The following HEMK2 variants were observed in gnomAD, a reference collection of about 807,000 sequenced individuals.
HEMK2 encodes HemK methyltransferase 2, ETF1 glutamine and histone H4 lysine, also known as methyltransferase HEMK2.
At chr21:28,745,441 G>A in the HEMK2 span, among the ~76,000 whole-genome samples, 3 of 152,136 alleles carry the variant, frequency 2.0e-5, no homozygotes, top group African/African-American at 4.8e-5. Flanking sequence ...CCTTAGACCC[G>A]GACGAGAGGG....
the HEMK2 span, among the ~76,000 whole-genome samples, chr21:28,825,637 T>A: frequency 6.6e-6 from 1 of 152,216 alleles, no homozygotes. Context: ...AGGTGTGGTG[T>A]TGGCCTTAGG....
the HEMK2 span, among the ~76,000 whole-genome samples, chr21:28,709,890 G>A: frequency 1.3e-5 from 2 of 152,182 alleles, no homozygotes; most frequent in Non-Finnish European, 2.9e-5. Flanking sequence ...AGAAAGCATT[G>A]CTTTTGACAG....
chr21:28,859,037 A>C, the HEMK2 span, among the ~76,000 whole-genome samples: 1 of 152,344 alleles, frequency 6.6e-6, no homozygotes, highest in Non-Finnish European at 1.5e-5. Context: ...TAATTAAAAA[A>C]TAACAGAGGA....
chr21:28,741,217 C>CTGACTG, the HEMK2 span, among the ~76,000 whole-genome samples: 3 of 152,126 alleles, frequency 2.0e-5, no homozygotes, highest in Admixed American at 6.5e-5. Context: ...TCCAATGTCA[C>CTGACTG]ACTCACAAGT....
At chr21:28,795,551 C>T in the HEMK2 span, among the ~76,000 whole-genome samples, 1 of 152,190 alleles carries the variant, frequency 6.6e-6, no homozygotes, top group African/African-American at 2.4e-5. Flanking sequence ...TAATAAAGCA[C>T]TCAACATGTG....
the HEMK2 span, among the ~76,000 whole-genome samples, chr21:28,672,315 C>T: frequency 2.6e-5 from 4 of 151,968 alleles, no homozygotes; most frequent in African/African-American, 9.7e-5. Flanking sequence ...CTGCCTATCA[C>T]TGGGTGTTAA....
the HEMK2 span, among the ~76,000 whole-genome samples, chr21:28,745,331 TC>T: frequency 2.6e-5 from 4 of 152,208 alleles, no homozygotes; most frequent in Non-Finnish European, 4.4e-5. Context: ...ACATACTTAC[TC>T]CCCAGAGAGT....
At chr21:28,578,827 T>C in the HEMK2 span, among the ~76,000 whole-genome samples, 1 of 152,118 alleles carries the variant, frequency 6.6e-6, no homozygotes, top group Admixed American at 6.6e-5. Context: ...ACACGTAATA[T>C]TGGGACTTAA....
the HEMK2 span, among the ~76,000 whole-genome samples, chr21:28,816,218 T>A: frequency 6.6e-6 from 1 of 152,226 alleles, no homozygotes; most frequent in African/African-American, 2.4e-5. Context: ...ACTTTGTTCC[T>A]AGCAAACTAA....
the HEMK2 span, among the ~76,000 whole-genome samples, chr21:28,642,106 T>C: frequency 6.6e-6 from 1 of 152,198 alleles, no homozygotes; most frequent in Non-Finnish European, 1.5e-5. Context: ...ACCCCTGACA[T>C]ATTAGTAAAT....
the HEMK2 span, among the ~76,000 whole-genome samples, chr21:28,700,626 A>G: frequency 6.6e-6 from 1 of 152,194 alleles, no homozygotes; most frequent in Non-Finnish European, 1.5e-5. Context: ...CACACCAATG[A>G]TGAGTTCAGA....
the HEMK2 span, among the ~76,000 whole-genome samples, chr21:28,628,612 C>T: frequency 5.8e-4 from 89 of 152,258 alleles, no homozygotes; most frequent in African/African-American, 2.0e-3. Context: ...GCCATCACAC[C>T]CAGCTAATTT....
chr21:28,813,378 A>T, the HEMK2 span, among the ~76,000 whole-genome samples: 1 of 152,204 alleles, frequency 6.6e-6, no homozygotes, highest in African/African-American at 2.4e-5. Flanking sequence ...TAAAATACCT[A>T]GGAATACAAC....
the HEMK2 span, among the ~76,000 whole-genome samples, chr21:28,870,967 T>G: frequency 0.17 from 25,505 of 152,140 alleles, 2,235 homozygotes; most frequent in South Asian, 0.23. Flanking sequence ...ATTAGTCTAT[T>G]ATATCAAATT....
At chr21:28,719,352 C>T in the HEMK2 span, among the ~76,000 whole-genome samples, 11 of 152,166 alleles carry the variant, frequency 7.2e-5, no homozygotes, top group Admixed American at 6.5e-5. Flanking sequence ...GTGGAGATAA[C>T]TGAATCATGG....
chr21:28,839,581 C>A, the HEMK2 span, among the ~76,000 whole-genome samples: 1 of 151,916 alleles, frequency 6.6e-6, no homozygotes, highest in African/African-American at 2.4e-5. Flanking sequence ...CCAAGAGCAA[C>A]CAAGCAGACA....
the HEMK2 span, among the ~76,000 whole-genome samples, chr21:28,677,065 C>T: frequency 1.3e-5 from 2 of 152,126 alleles, no homozygotes; most frequent in Non-Finnish European, 2.9e-5. Flanking sequence ...ACAGTGGGTG[C>T]AGCACACCAA....
At chr21:28,865,013 C>T in the HEMK2 span, among the ~76,000 whole-genome samples, 3 of 151,686 alleles carry the variant, frequency 2.0e-5, no homozygotes, top group African/African-American at 7.3e-5. Flanking sequence ...ATATGTTCCC[C>T]CTTCCCATTC....
At chr21:28,633,413 C>A in the HEMK2 span, among the ~76,000 whole-genome samples, 2 of 152,152 alleles carry the variant, frequency 1.3e-5, no homozygotes, top group Non-Finnish European at 2.9e-5. Flanking sequence ...AACTGTGATT[C>A]TAAAAGCACA....
Sources: allele counts gnomAD v4.1 joint callset (sites outside exome capture counted in the v4.1 genomes callset), GRCh38; gene constraint gnomAD v4.1.1; transcripts MANE v1.5; gene names NCBI Gene and HGNC (gene_info 2026-07-23, HGNC 2026-07-21).